Variants in FBXO16 observed in about 807,000 individuals in gnomAD.
The protein encoded by FBXO16 is F-box only protein 16.
Under a neutral mutation model 41.0 loss-of-function variants are expected in FBXO16, and 31 were observed. The ratio of observed to expected loss-of-function variants is 0.76; its 90% confidence interval spans 0.57 to 1.02. The LOEUF is 1.02. FBXO16 is among the 50% of genes least tolerant of loss of function. The probability of loss-of-function intolerance (pLI) is 0.00; values close to 1 mark genes in which losing one functional copy is unlikely to be tolerated. For missense variants in FBXO16, 361 were observed against 346.2 expected, an observed-to-expected ratio of 1.04 and a Z score of -0.34; for synonymous variants, 133 against 117.8, an observed-to-expected ratio of 1.13 and a Z score of -0.84.
intron 5 of FBXO16, among the ~76,000 whole-genome samples, chr8:28,456,123 T>C (rs1803034241): frequency 6.6e-6 from 1 of 152,186 alleles, no homozygotes; most frequent in African/African-American, 2.4e-5. Flanking sequence ...TCATAAAATT[T>C]TCCCATAAAT....
rs187950949 is a variant in FBXO16 at position 28,483,839 on chromosome 8, C to A, written c.-16-377G>T. ...TGGGCAGCAGAGCGAGACTCCACCT[C>A]AAAAAAAACAATACTAATACCATAT... On this transcript the variant is annotated intron_variant, in intron 1 of 8. Coordinates refer to ENST00000380254, the MANE Select transcript of FBXO16 (RefSeq NM_172366.4). Among the ~76,000 whole-genome samples, 693 of 151,402 alleles carry A rather than the reference C, an allele frequency of 4.6e-3. 16 individuals carry two copies. Among genetic ancestry groups the A allele is most frequent in the African/African-American group, 0.016 (650 of 41,266 alleles).
chr8:28,462,340 G>C (rs141418855), intron 4 of FBXO16, among the ~76,000 whole-genome samples: 3 of 148,664 alleles, frequency 2.0e-5, no homozygotes, highest in Non-Finnish European at 4.4e-5. Context: ...GTGCAGTGGC[G>C]CATTCTCGGC....
At chr8:28,443,368 C>A (rs1401401256) in intron 7 of FBXO16, among the ~76,000 whole-genome samples, 1 of 152,058 alleles carries the variant, frequency 6.6e-6, no homozygotes, top group African/African-American at 2.4e-5. Context: ...TCTTCCTGCC[C>A]TCTCCATTTA....
intron 1 of FBXO16, among the ~76,000 whole-genome samples, chr8:28,489,331 GA>G (rs1379810691): frequency 2.6e-5 from 4 of 151,786 alleles, no homozygotes; most frequent in Admixed American, 1.3e-4. Context: ...GACAGAGTGC[GA>G]CTCCATCTTG....
At chr8:28,434,879 A>G (rs1427317144) in intron 7 of FBXO16, among the ~76,000 whole-genome samples, 3 of 152,244 alleles carry the variant, frequency 2.0e-5, no homozygotes, top group Non-Finnish European at 4.4e-5. Context: ...TGTTACCTCA[A>G]GGGAACGTGG....
intron 7 of FBXO16, among the ~76,000 whole-genome samples, chr8:28,431,325 C>T (rs571132400): frequency 1.3e-5 from 2 of 152,194 alleles, no homozygotes; most frequent in Admixed American, 1.3e-4. Context: ...GCCACCATTC[C>T]TTGTGGTCCC....
intron 1 of FBXO16, among the ~76,000 whole-genome samples, chr8:28,489,933 C>T (rs1343032052): frequency 6.6e-6 from 1 of 152,184 alleles, no homozygotes; most frequent in South Asian, 2.1e-4. Flanking sequence ...GATTTCAATA[C>T]GAATTCATCT....
At chr8:28,486,649 T>C (rs11136048) in intron 1 of FBXO16, among the ~76,000 whole-genome samples, 25,250 of 151,756 alleles carry the variant, frequency 0.17, 2,835 homozygotes, top group Non-Finnish European at 0.22. Context: ...CGAGAGACCT[T>C]ATCTCTACAC....
At chr8:28,458,489 G>A (rs1311494181) in intron 4 of FBXO16, among the ~76,000 whole-genome samples, 2 of 151,826 alleles carry the variant, frequency 1.3e-5, no homozygotes, top group Admixed American at 6.6e-5. Flanking sequence ...TTTGGGAAAG[G>A]GAAGGGGGAG....
At chr8:28,486,665 A>G (rs905240084) in intron 1 of FBXO16, among the ~76,000 whole-genome samples, 9 of 151,556 alleles carry the variant, frequency 5.9e-5, no homozygotes, top group African/African-American at 2.2e-4. Flanking sequence ...TACACAAAGT[A>G]AAAAAACCAA....
At chr8:28,466,237 A>G (rs1247885976) in intron 3 of FBXO16, among the ~76,000 whole-genome samples, 1 of 142,930 alleles carries the variant, frequency 7.0e-6, no homozygotes, top group East Asian at 1.9e-4. Context: ...CTGAAAAAAC[A>G]AAACAAAACA....
At chr8:28,433,236 C>G (rs1032765801) in intron 7 of FBXO16, among the ~76,000 whole-genome samples, 1 of 152,128 alleles carries the variant, frequency 6.6e-6, no homozygotes, top group Non-Finnish European at 1.5e-5. Flanking sequence ...TACCCAATAT[C>G]CTGATGTGCC....
chr8:28,441,757 A>C, intron 7 of FBXO16, among the ~76,000 whole-genome samples: 1 of 150,372 alleles, frequency 6.7e-6, no homozygotes, highest in Non-Finnish European at 1.5e-5. Flanking sequence ...AAAAACTAAA[A>C]AAAAAATATT....
At chr8:28,460,445 T>TTTTTTTTTTA (rs371229894) in intron 4 of FBXO16, among the ~76,000 whole-genome samples, 12 of 135,642 alleles carry the variant, frequency 8.8e-5, no homozygotes, top group South Asian at 2.3e-4. Flanking sequence ...TTTTTTTTTT[T>TTTTTTTTTTA]GAGACAGCGT....
chr8:28,437,169 C>T (rs1802699362), intron 7 of FBXO16, among the ~76,000 whole-genome samples: 1 of 152,132 alleles, frequency 6.6e-6, no homozygotes, highest in Non-Finnish European at 1.5e-5. Context: ...CTGGTAGGTC[C>T]TGAATAGAAG....
In FBXO16 at chr8:28,428,621, G is replaced by A. The variant is rs2130063997; in HGVS notation, c.*106C>T. 1.3e-6 allele frequency: 2 copies of A among 1,552,552 alleles called. No homozygotes were observed. The highest frequency in any genetic ancestry group is 1.7e-6 in the Non-Finnish European group (2 of 1,147,582). ...TGCTTGGGGCCCAGGGTGCCTGTGA[G>A]GATGCTGCATGAGAATTTCAGCTGT... On this transcript the variant is annotated 3_prime_UTR_variant, in exon 9 of 9. Transcript: ENST00000380254.
intron 3 of FBXO16, among the ~76,000 whole-genome samples, chr8:28,470,605 ATAT>A (rs1255310241): frequency 1.3e-5 from 2 of 152,196 alleles, no homozygotes; most frequent in Non-Finnish European, 2.9e-5. Context: ...GGTATATTAT[ATAT>A]TATTATCTAG....
chr8:28,441,602 G>GTT (rs1802775916), intron 7 of FBXO16, among the ~76,000 whole-genome samples: 1 of 151,858 alleles, frequency 6.6e-6, no homozygotes, highest in Non-Finnish European at 1.5e-5. Flanking sequence ...CAAGCGTGGT[G>GTT]GCAGGTGCCT....
rs144107749 is a variant in FBXO16, at chr8:28,447,449, T to C, written c.741-176A>G. On this transcript the variant is annotated intron_variant, in intron 6 of 8. Transcript: ENST00000380254. ...AGAACTGGTTGCATCAACTCCTGCATCTCCACACAATGCAGTACTATGAGC... is the reference window on the plus strand; with the variant it reads ...AGAACTGGTTGCATCAACTCCTGCACCTCCACACAATGCAGTACTATGAGC... 2.0e-4 allele frequency: 113 copies of C among 570,618 alleles called. No homozygotes were observed. The African/African-American group carries it at 2.1e-3, about 10-fold the overall frequency. The allele number at this position is 570,618 out of a possible 1,614,324, so 35.3% of individuals were successfully genotyped here.
Sources: allele counts gnomAD v4.1 joint callset (sites outside exome capture counted in the v4.1 genomes callset), GRCh38; gene constraint gnomAD v4.1.1; transcripts MANE v1.5; gene names NCBI Gene and HGNC (gene_info 2026-07-23, HGNC 2026-07-21).